Variants in CD28 observed in about 807,000 individuals in gnomAD.
The protein encoded by CD28 is CD28 molecule.
In CD28, 8 loss-of-function variants were observed where a neutral mutation model predicts 21.4. That is an observed-to-expected ratio of 0.37 (90% confidence interval 0.22 to 0.68). The LOEUF (loss-of-function observed/expected upper bound fraction) is 0.68, where lower values mean the gene tolerates loss of function less well. Ranked by LOEUF, CD28 falls within the 30% of genes least tolerant of loss-of-function variation. The pLI, the probability that CD28 is intolerant of heterozygous loss-of-function variation, is 0.55. For missense variants in CD28, 239 were observed against 272.2 expected (o/e 0.88, Z 0.86); for synonymous variants, 106 against 104.0 (o/e 1.02, Z -0.12).
At chr2:203,712,131 G>T (rs1693330344) in intron 1 of CD28, among the ~76,000 whole-genome samples, 1 of 152,090 alleles carries the variant, frequency 6.6e-6, no homozygotes, top group South Asian at 2.1e-4. Context: ...GGCAGAGGTT[G>T]CAGTGAGCAG....
rs140495141 is a variant in CD28 at position 203,726,074 on chromosome 2, G to A, written c.53-559G>A. 1.8e-4 allele frequency among the ~76,000 whole-genome samples: 27 copies of A among 152,154 alleles called. No homozygotes were observed. In the East Asian group the frequency reaches 5.2e-3, roughly 29 times the overall value. ...AAAAATAGAAAAATTAGCTGGGCGT[G>A]GTGGTGCATACCTGTAATCCCAGCT... is the stretch of plus-strand genomic sequence containing the variant. On this transcript the variant is annotated intron_variant, in intron 1 of 3. Coordinates refer to ENST00000324106, the MANE Select transcript of CD28 (RefSeq NM_006139.4).
chr2:203,709,918 C>T (rs978375661), intron 1 of CD28, among the ~76,000 whole-genome samples: 2 of 152,180 alleles, frequency 1.3e-5, no homozygotes, highest in Admixed American at 6.5e-5. Context: ...CCAGCGCCTT[C>T]CCTTAGCGCT....
At chr2:203,732,408 C>G (rs576023486) in intron 3 of CD28, among the ~76,000 whole-genome samples, 1 of 152,262 alleles carries the variant, frequency 6.6e-6, no homozygotes, top group African/African-American at 2.4e-5. Flanking sequence ...TAAAGCTGCC[C>G]GTTTTCCTAA....
chr2:203,724,225 G>C (rs1276505485), intron 1 of CD28, among the ~76,000 whole-genome samples: 1 of 152,164 alleles, frequency 6.6e-6, no homozygotes, highest in Non-Finnish European at 1.5e-5. Flanking sequence ...AGGGATTTAA[G>C]GGAGGGAGGA....
intron 2 of CD28, among the ~76,000 whole-genome samples, chr2:203,728,809 C>T (rs1693816431): frequency 6.6e-6 from 1 of 152,096 alleles, no homozygotes; most frequent in Admixed American, 6.5e-5. Context: ...CACATATACA[C>T]ATATCATTTA....
intron 3 of CD28, among the ~76,000 whole-genome samples, chr2:203,731,875 A>G (rs1409083721): frequency 6.6e-6 from 1 of 152,152 alleles, no homozygotes; most frequent in Non-Finnish European, 1.5e-5. Context: ...CAGTCCTGTC[A>G]TTTGTGGCCT....
Position 203,735,219 on chromosome 2 carries a change from GC to G in CD28, c.*309del. 3.0e-6 allele frequency: 1 copy of G among 332,252 alleles called. No individual in the cohort carries two copies. Among genetic ancestry groups the G allele is most frequent in the African/African-American group, 2.2e-5 (1 of 46,404 alleles). 20.6% of individuals were successfully genotyped at this position (332,252 alleles called of 1,614,324 possible). A position where few individuals can be genotyped will look rare whatever the true frequency, so the allele number is the denominator to read the frequency against. On this transcript the variant is annotated 3_prime_UTR_variant, in exon 4 of 4. Transcript: ENST00000324106. Reference sequence around the variant, plus strand: ...AACAAAAAGGGAGTGGATTCTGGGAGCCTCTTCCCTTTCTCACTCACCTGCA... The same window carrying G: ...AACAAAAAGGGAGTGGATTCTGGGAGCTCTTCCCTTTCTCACTCACCTGCA...
chr2:203,735,164 TA>T lies in CD28; in HGVS notation c.*253del. 1 of 474,234 alleles carries T rather than the reference TA, an allele frequency of 2.1e-6. No homozygotes were observed. The highest frequency in any genetic ancestry group is 3.2e-5 in the South Asian group (1 of 31,504). The allele number at this position is 474,234 out of a possible 1,614,324, so 29.4% of individuals were successfully genotyped here. A position where few individuals can be genotyped will look rare whatever the true frequency, so the allele number is the denominator to read the frequency against. ...CCCACATTCCAACTTACCATGTACT[TA>T]GTGACTTGACTGAGAAGTTAGGGTA... is the stretch of plus-strand genomic sequence containing the variant. On this transcript the variant is annotated 3_prime_UTR_variant, in exon 4 of 4. Transcript: ENST00000324106.
rs1184297479 is a variant in CD28 at position 203,736,181 on chromosome 2, G to A, written c.*1269G>A. 6.5e-6 allele frequency: 1 copy of A among 152,704 alleles called. No homozygotes were observed. The highest frequency in any genetic ancestry group is 1.5e-5 in the Non-Finnish European group (1 of 68,116). 9.5% of individuals were successfully genotyped at this position (152,704 alleles called of 1,614,324 possible). On this transcript the variant is annotated 3_prime_UTR_variant, in exon 4 of 4. Transcript: ENST00000324106. The stretch of plus-strand genomic sequence containing the variant: ...AATGTCGGTGTGGAGATCCAAAGTG[G>A]GTTGTGGAAAGAGCGTCCATAGGAG...
chr2:203,713,499 G>A (rs775965572), intron 1 of CD28, among the ~76,000 whole-genome samples: 1 of 152,106 alleles, frequency 6.6e-6, no homozygotes, highest in Non-Finnish European at 1.5e-5. Flanking sequence ...GCCAATGAGG[G>A]AAAGAGTTTC....
upstream of CD28, chr2:203,706,543 C>A (rs1450433943): frequency 6.4e-7 from 1 of 1,560,972 alleles, no homozygotes. Flanking sequence ...GGTTTGAGTG[C>A]CTTGATCATG....
chr2:203,721,891 T>C (rs1693614044), intron 1 of CD28, among the ~76,000 whole-genome samples: 1 of 152,170 alleles, frequency 6.6e-6, no homozygotes, highest in Non-Finnish European at 1.5e-5. Flanking sequence ...ACAGGACATA[T>C]TCAGCAAACC....
chr2:203,721,392 T>C (rs1255039609), intron 1 of CD28, among the ~76,000 whole-genome samples: 1 of 152,148 alleles, frequency 6.6e-6, no homozygotes, highest in Non-Finnish European at 1.5e-5. Context: ...CTGACAATCT[T>C]GTCTTTTGTA....
In CD28 at chr2:203,737,823, A is replaced by T. The variant is rs1005531521; in HGVS notation, c.*2911A>T. On this transcript the variant is annotated 3_prime_UTR_variant, in exon 4 of 4. Coordinates refer to ENST00000324106, the MANE Select transcript of CD28 (RefSeq NM_006139.4). Reference sequence around the variant, plus strand: ...GTTCTACATATTCAGTGATAAAATTACTAAACTACTATATGTCTGCTTTAA... The same window carrying T: ...GTTCTACATATTCAGTGATAAAATTTCTAAACTACTATATGTCTGCTTTAA... The T allele has an allele frequency of 6.6e-6, 1 of 152,642 alleles. No homozygotes were observed. The highest frequency in any genetic ancestry group is 2.4e-5 in the African/African-American group (1 of 41,458). 9.5% of individuals were successfully genotyped at this position (152,642 alleles called of 1,614,324 possible).
Position 203,737,505 on chromosome 2 carries a change from A to C in CD28, c.*2593A>C, listed in dbSNP as rs1694067152. ...TCTGACTGGAAAAATAGGCCTACTA[A>C]AGATGAATCACACTTGAGATGTTTC... On this transcript the variant is annotated 3_prime_UTR_variant, in exon 4 of 4. Coordinates refer to ENST00000324106, the MANE Select transcript of CD28 (RefSeq NM_006139.4). 2 of 152,604 alleles carry C rather than the reference A, an allele frequency of 1.3e-5. No homozygotes were observed. Among genetic ancestry groups the C allele is most frequent in the Non-Finnish European group, 2.9e-5 (2 of 68,040 alleles). 9.5% of individuals were successfully genotyped at this position (152,604 alleles called of 1,614,324 possible). A position where few individuals can be genotyped will look rare whatever the true frequency, so the allele number is the denominator to read the frequency against.
intron 1 of CD28, among the ~76,000 whole-genome samples, chr2:203,713,504 A>G (rs1693371173): frequency 6.6e-6 from 1 of 152,158 alleles, no homozygotes; most frequent in Non-Finnish European, 1.5e-5. Context: ...TGAGGGAAAG[A>G]GTTTCAAAAA....
upstream of CD28, chr2:203,706,605 C>T (rs780780414): frequency 1.2e-6 from 2 of 1,607,994 alleles, no homozygotes; most frequent in African/African-American, 1.3e-5. Context: ...CGGAGACTCT[C>T]AGGCCTTGGC....
chr2:203,729,455 G>A (rs1399343060), intron 2 of CD28, among the ~76,000 whole-genome samples, 193 bp from the exon 3 acceptor site: 1 of 152,140 alleles, frequency 6.6e-6, no homozygotes, highest in Non-Finnish European at 1.5e-5. Context: ...TTTCAACTGT[G>A]GTCGTGAAAA....
At position 203,732,774 on chromosome 2, in the gene CD28, G is replaced by A. The variant is rs144835068; in HGVS notation, c.535-2010G>A. ...ATGGGTGCTGTAGGTTCTGCGTGGT[G>A]TTTGTTCCCAGCCATGCATCTGTCA... On this transcript the variant is annotated intron_variant, in intron 3 of 3. Coordinates refer to ENST00000324106, the MANE Select transcript of CD28 (RefSeq NM_006139.4). Among the ~76,000 whole-genome samples, 910 of 152,302 alleles carry A rather than the reference G, an allele frequency of 6.0e-3. 10 individuals carry two copies. Among genetic ancestry groups the A allele is most frequent in the African/African-American group, 0.02 (816 of 41,564 alleles).
Sources: gnomAD v4.1 joint callset for allele counts (sites outside exome capture counted in the v4.1 genomes callset) on GRCh38, gnomAD v4.1.1 for gene constraint, MANE v1.5 for transcripts, NCBI Gene and HGNC (gene_info 2026-07-23, HGNC 2026-07-21) for gene names.